ARHGEF6: variants seen among roughly 807,000 people sequenced by gnomAD.
ARHGEF6 encodes Rac/Cdc42 guanine nucleotide exchange factor 6.
A neutral mutation model predicts 70.3 loss-of-function variants in ARHGEF6; 9 were observed. The ratio of observed to expected loss-of-function variants is 0.13; its 90% CI spans 0.08 to 0.22. ARHGEF6 has a LOEUF of 0.22. ARHGEF6 is among the 10% of genes least tolerant of loss of function. The pLI, the probability that ARHGEF6 is intolerant of heterozygous loss-of-function variation, is 1.00. For synonymous variants in ARHGEF6, 201 were observed against 207.8 expected (o/e 0.97, Z 0.28); for missense variants, 470 against 563.0 (o/e 0.83, Z 1.67).
chrX:136,713,753 T>C (rs1318035140), intron 6 of ARHGEF6, among the ~76,000 whole-genome samples: 1 of 111,945 alleles, frequency 8.9e-6, no homozygotes, highest in Admixed American at 9.4e-5. Context: ...GTGCTGGGAT[T>C]ACAGATGTGA....
intron 2 of ARHGEF6, among the ~76,000 whole-genome samples, chrX:136,750,058 G>A (rs616718): frequency 0.32 from 35,349 of 110,634 alleles, 4,518 homozygotes; most frequent in African/African-American, 0.47. Flanking sequence ...TAGTGGAAAT[G>A]AGCAGTGTGA....
At chrX:136,710,437 T>C (rs1408466264) in intron 7 of ARHGEF6, among the ~76,000 whole-genome samples, 1 of 106,069 alleles carries the variant, frequency 9.4e-6, no homozygotes, top group Non-Finnish European at 1.9e-5. Flanking sequence ...ACATTACCAG[T>C]AACTCTGAGA....
intron 2 of ARHGEF6, among the ~76,000 whole-genome samples, chrX:136,760,650 T>C (rs751348615): frequency 8.9e-5 from 10 of 112,219 alleles, no homozygotes; most frequent in Admixed American, 9.5e-5. Context: ...CTTTTTTAGA[T>C]ATTACATACT....
At chrX:136,702,318 G>A (rs1416216876) in intron 9 of ARHGEF6, among the ~76,000 whole-genome samples, 3 of 111,137 alleles carry the variant, frequency 2.7e-5, no homozygotes, top group Non-Finnish European at 3.8e-5. Context: ...CAGAAAAGGC[G>A]GAAAAATAGA....
At position 136,747,684 on chromosome X, in the gene ARHGEF6, G is replaced by GAAAA. The variant is rs140379962; in HGVS notation, c.250-96_250-93dup. The GAAAA allele has an allele frequency of 6.4e-3, 794 of 123,272 alleles. 31 individuals carry two copies. Among genetic ancestry groups the GAAAA allele is most frequent in the South Asian group, 0.01 (94 of 9,207 alleles). 10.2% of individuals were successfully genotyped at this position (123,272 alleles called of 1,213,427 possible). ...AAAGGCCACTTCCTCCAGCTCTCCG[G>GAAAA]AAAAAAAAAAAAAAAAAAAAAGTGT... On this transcript the variant is annotated intron_variant, in intron 2 of 21. Transcript: ENST00000250617.
At chrX:136,748,032 A>G (rs1276132192) in intron 2 of ARHGEF6, among the ~76,000 whole-genome samples, 1 of 112,022 alleles carries the variant, frequency 8.9e-6, no homozygotes, top group Non-Finnish European at 1.9e-5. Flanking sequence ...GCATCTGTAC[A>G]GTTTATTAGC....
At chrX:136,684,411 G>A (rs146500828) in intron 12 of ARHGEF6, among the ~76,000 whole-genome samples, 200 of 111,982 alleles carry the variant, frequency 1.8e-3, no homozygotes, top group Non-Finnish European at 2.7e-3. Context: ...ATGAATCTCC[G>A]CCAAAGACGT....
intron 5 of ARHGEF6, among the ~76,000 whole-genome samples, chrX:136,732,391 G>T (rs1039113330): frequency 8.9e-6 from 1 of 111,962 alleles, no homozygotes; most frequent in African/African-American, 3.2e-5. Flanking sequence ...AATAAGCCAA[G>T]GAGTTAAGAC....
At chrX:136,742,815 A>C (rs1461944183) in intron 5 of ARHGEF6, among the ~76,000 whole-genome samples, 1 of 110,776 alleles carries the variant, frequency 9.0e-6, no homozygotes, top group Non-Finnish European at 1.9e-5. Context: ...CTCTACAAAA[A>C]GTTTAAACAT....
chrX:136,693,245 A>G (rs2076476367), intron 9 of ARHGEF6, among the ~76,000 whole-genome samples: 1 of 111,993 alleles, frequency 8.9e-6, no homozygotes, highest in South Asian at 3.7e-4. Context: ...TAAACATCAT[A>G]AAACAATTTA....
At chrX:136,762,193 C>G (rs1053177570) in intron 2 of ARHGEF6, among the ~76,000 whole-genome samples, 4 of 112,212 alleles carry the variant, frequency 3.6e-5, no homozygotes, top group Non-Finnish European at 5.6e-5. Context: ...GGATTACAGG[C>G]GTATGCCACC....
chrX:136,711,968 G>A (rs1334613831), intron 7 of ARHGEF6, among the ~76,000 whole-genome samples: 1 of 112,726 alleles, frequency 8.9e-6, no homozygotes, highest in Non-Finnish European at 1.9e-5. Flanking sequence ...CATAGTGCCA[G>A]GAGAATAAAC....
At chrX:136,764,980 T>C (rs1380882766) in intron 2 of ARHGEF6, among the ~76,000 whole-genome samples, 1 of 111,764 alleles carries the variant, frequency 8.9e-6, no homozygotes, top group Non-Finnish European at 1.9e-5. Context: ...TCAATAGCTT[T>C]GGGGGCAACA....
chrX:136,761,646 A>G (rs761187671), intron 2 of ARHGEF6, among the ~76,000 whole-genome samples: 1 of 112,417 alleles, frequency 8.9e-6, no homozygotes, highest in South Asian at 3.7e-4. Context: ...TATTCATCTA[A>G]GACGCCCAGA....
intron 6 of ARHGEF6, among the ~76,000 whole-genome samples, chrX:136,713,678 C>T (rs913749607): frequency 8.9e-6 from 1 of 111,800 alleles, no homozygotes; most frequent in Non-Finnish European, 1.9e-5. Context: ...CAGGATCTCT[C>T]TATGTTGCCC....
At chrX:136,673,013 CAT>C (rs2148567687) in intron 19 of ARHGEF6, among the ~76,000 whole-genome samples, 1 of 112,424 alleles carries the variant, frequency 8.9e-6, no homozygotes, top group African/African-American at 3.2e-5. Context: ...CCCATATCCA[CAT>C]GTTTCACATC....
At chrX:136,722,552 T>C (rs1390525539) in intron 6 of ARHGEF6, among the ~76,000 whole-genome samples, 1 of 111,948 alleles carries the variant, frequency 8.9e-6, no homozygotes, top group Non-Finnish European at 1.9e-5. Context: ...CCAATAAGCA[T>C]ACCCAACATC....
chrX:136,753,587 C>T (rs185183070), intron 2 of ARHGEF6, among the ~76,000 whole-genome samples: 1 of 111,442 alleles, frequency 9.0e-6, no homozygotes, highest in East Asian at 2.8e-4. Flanking sequence ...CATAAAAGGC[C>T]AATGCATAAA....
Position 136,736,300 on chromosome X carries a change from A to G in ARHGEF6, c.662-4128T>C, listed in dbSNP as rs749149447. Among the ~76,000 whole-genome samples the G allele has an allele frequency of 8.9e-5, 10 of 112,363 alleles. No homozygotes were observed. The South Asian group carries it at 3.7e-3, about 41-fold the overall frequency. ...AGAACGGAAAATTGTATAAGTGGCT[A>G]ATTTTCTCATTTATAATGTATGTGA... On this transcript the variant is annotated intron_variant, in intron 5 of 21. Coordinates refer to ENST00000250617, the MANE Select transcript of ARHGEF6 (RefSeq NM_004840.3).
Sources: gnomAD v4.1 joint callset for allele counts (sites outside exome capture counted in the v4.1 genomes callset) on GRCh38, gnomAD v4.1.1 for gene constraint, MANE v1.5 for transcripts, NCBI Gene and HGNC (gene_info 2026-07-23, HGNC 2026-07-21) for gene names.